IQSEC1: variants seen among roughly 807,000 people sequenced by gnomAD.
IQSEC1 encodes IQ motif and SEC7 domain-containing protein 1.
IQSEC1 carries 31 observed loss-of-function variants against 91.0 expected under a neutral mutation model. The ratio of observed to expected loss-of-function variants is 0.34; its 90% CI spans 0.26 to 0.46. The LOEUF (loss-of-function observed/expected upper bound fraction) is 0.46. Ranked by LOEUF, IQSEC1 falls within the 20% of genes least tolerant of loss-of-function variation. The probability of loss-of-function intolerance (pLI) is 1.00; values close to 1 mark genes in which losing one functional copy is unlikely to be tolerated. For missense variants in IQSEC1, 1,388 were observed against 1,575.6 expected, an observed-to-expected ratio of 0.88 and a Z score of 2.02; for synonymous variants, 699 against 662.6, an observed-to-expected ratio of 1.05 and a Z score of -0.84.
chr3:13,016,049 G>A (rs559831098), intron 1 of IQSEC1, among the ~76,000 whole-genome samples: 1 of 152,296 alleles, frequency 6.6e-6, no homozygotes, highest in Non-Finnish European at 1.5e-5. Context: ...GGTCCCTGGA[G>A]AGAGGGTGCC....
At chr3:13,010,118 T>G (rs1411136269) in intron 1 of IQSEC1, among the ~76,000 whole-genome samples, 2 of 152,214 alleles carry the variant, frequency 1.3e-5, no homozygotes, top group East Asian at 3.8e-4. Context: ...GAAGGGATGA[T>G]GCATAGCAGA....
chr3:12,904,544 G>C (rs961023680), intron 12 of IQSEC1, among the ~76,000 whole-genome samples: 1 of 152,202 alleles, frequency 6.6e-6, no homozygotes, highest in Non-Finnish European at 1.5e-5. Flanking sequence ...AGTGGTCCAG[G>C]GACATGGAGC....
intron 1 of IQSEC1, among the ~76,000 whole-genome samples, chr3:13,031,948 C>T (rs1486927343): frequency 6.6e-6 from 1 of 152,110 alleles, no homozygotes; most frequent in African/African-American, 2.4e-5. Flanking sequence ...GTTTTTAAAA[C>T]TTTAGATACT....
intron 2 of IQSEC1, among the ~76,000 whole-genome samples, chr3:13,102,470 T>C (rs1706082548): frequency 6.6e-6 from 1 of 151,850 alleles, no homozygotes; most frequent in African/African-American, 2.4e-5. Flanking sequence ...TTTGGGCCCA[T>C]GGTTTCCTTC....
intron 1 of IQSEC1, among the ~76,000 whole-genome samples, chr3:13,216,261 A>G (rs1228898927): frequency 6.6e-6 from 1 of 152,282 alleles, no homozygotes; most frequent in African/African-American, 2.4e-5. Flanking sequence ...TAGGCAGCCA[A>G]CAGCGCAGCT....
At chr3:13,113,751 C>T (rs920833274) in intron 2 of IQSEC1, among the ~76,000 whole-genome samples, 3 of 152,174 alleles carry the variant, frequency 2.0e-5, no homozygotes, top group African/African-American at 7.2e-5. Flanking sequence ...GCTACTCAAA[C>T]GACAGGAGTG....
chr3:12,934,581 T>C (rs1271074961), intron 3 of IQSEC1, among the ~76,000 whole-genome samples: 1 of 151,522 alleles, frequency 6.6e-6, no homozygotes, highest in Non-Finnish European at 1.5e-5. Flanking sequence ...CCCAGGGGAG[T>C]TGGTGCCAGG....
intron 1 of IQSEC1, among the ~76,000 whole-genome samples, chr3:13,165,261 C>T (rs959285683): frequency 6.6e-6 from 1 of 152,142 alleles, no homozygotes; most frequent in African/African-American, 2.4e-5. Context: ...ACTTGGATCA[C>T]ATGGTCCCCA....
At chr3:13,149,425 G>C (rs1706953148) in intron 2 of IQSEC1, among the ~76,000 whole-genome samples, 1 of 152,028 alleles carries the variant, frequency 6.6e-6, no homozygotes, top group African/African-American at 2.4e-5. Context: ...GTGGGGGCCG[G>C]GGTGGGGGGG....
chr3:12,904,817 G>C (rs529504874), intron 12 of IQSEC1, among the ~76,000 whole-genome samples: 351 of 152,344 alleles, frequency 2.3e-3, no homozygotes, highest in African/African-American at 8.1e-3. Flanking sequence ...TATAGCTTCT[G>C]ACAGGACCTG....
In IQSEC1 at chr3:12,940,589, G is replaced by A. The variant is rs887139522; in HGVS notation, c.318+982C>T. On this transcript the variant is annotated intron_variant, in intron 2 of 13. Coordinates refer to ENST00000613206, the MANE Select transcript of IQSEC1 (RefSeq NM_001134382.3). The surrounding 1 kb of genome is among the most constrained non-coding windows in gnomAD (Gnocchi z 4.4). Reference sequence around the variant, plus strand: ...AGCAGGGGCAGAGGCAGCTGCCTGGGCATCTGGAGGAGCTGTCTAGAGCTC... The same window carrying A: ...AGCAGGGGCAGAGGCAGCTGCCTGGACATCTGGAGGAGCTGTCTAGAGCTC... Among the ~76,000 whole-genome samples, 1 of 151,790 alleles carries A rather than the reference G, an allele frequency of 6.6e-6. No individual in the cohort carries two copies. The highest frequency in any genetic ancestry group is 6.6e-5 in the Admixed American group (1 of 15,254).
Position 12,941,455 on chromosome 3 carries a change from T to G in IQSEC1, c.318+116A>C, listed in dbSNP as rs1418357400. On this transcript the variant is annotated intron_variant, in intron 2 of 13. Transcript: ENST00000613206. ...GCAGAGCCCTCAGCCTTAGCCCACA[T>G]GCACCCCAACTCAAGTCTATGGGAG... 29 of 1,075,998 alleles carry G rather than the reference T, an allele frequency of 2.7e-5. No homozygotes were observed. In the East Asian group the frequency reaches 7.6e-4, roughly 28 times the overall value. The allele number at this position is 1,075,998 out of a possible 1,614,324, so 66.7% of individuals were successfully genotyped here.
intron 1 of IQSEC1, among the ~76,000 whole-genome samples, chr3:12,963,062 C>G (rs921098281): frequency 3.9e-5 from 6 of 152,258 alleles, no homozygotes; most frequent in African/African-American, 1.4e-4. Context: ...AGGCGGAGTT[C>G]AAACGCTAAC....
intron 1 of IQSEC1, among the ~76,000 whole-genome samples, chr3:13,044,216 C>A (rs1271932245): frequency 1.3e-5 from 2 of 152,200 alleles, no homozygotes; most frequent in Admixed American, 6.5e-5. Flanking sequence ...TCTGGGTCAT[C>A]CCCCCACCCC....
chr3:13,191,127 C>T (rs1245411038), intron 1 of IQSEC1, among the ~76,000 whole-genome samples: 3 of 152,218 alleles, frequency 2.0e-5, no homozygotes, highest in Non-Finnish European at 2.9e-5. Context: ...TACATTCAGC[C>T]GTGGATCCTC....
At position 12,908,273 on chromosome 3, in the gene IQSEC1, A is replaced by G; in HGVS notation, c.2755+76T>C. On this transcript the variant is annotated intron_variant, in intron 12 of 13. Transcript: ENST00000613206. This position sits in a 1 kb window ranked among gnomAD's most constrained non-coding sequence, Gnocchi z 4.9. ...CCGCAGGCCCTGCCCCGCGTGATGCATGCCCTGAATGCAGACGCCCTGCCT... is the reference window on the plus strand; with the variant it reads ...CCGCAGGCCCTGCCCCGCGTGATGCGTGCCCTGAATGCAGACGCCCTGCCT... 1 of 1,502,202 alleles carries G rather than the reference A, an allele frequency of 6.7e-7. No homozygotes were observed. Among genetic ancestry groups the G allele is most frequent in the Non-Finnish European group, 9.1e-7 (1 of 1,098,328 alleles). 93.1% of individuals were successfully genotyped at this position (1,502,202 alleles called of 1,614,324 possible).
intron 1 of IQSEC1, among the ~76,000 whole-genome samples, chr3:13,056,025 C>T (rs1440449563): frequency 1.3e-5 from 2 of 152,104 alleles, no homozygotes; most frequent in Non-Finnish European, 1.5e-5. Flanking sequence ...CAAGGACTCT[C>T]TTCTTAAGAC....
chr3:12,936,186 C>T lies in IQSEC1; in HGVS notation c.830G>A (p.Arg277His), dbSNP rs114114109. 590 of 1,612,914 alleles carry T rather than the reference C, an allele frequency of 3.7e-4. 4 individuals carry two copies. In the African/African-American group the frequency reaches 7.1e-3, roughly 19 times the overall value. The change falls in exon 3 of 14, where the codon CGC becomes CAC. Residue 277 changes from arginine to histidine, a missense_variant. Around this residue, in one of 2 missense-constraint regions of IQSEC1, gnomAD observed 1,059 missense variants for 1,317.8 expected, o/e 0.80. Transcript: ENST00000613206. The stretch of plus-strand genomic sequence containing the variant: ...CGAGGCCGTCATCTCGTCCAGTTTG[C>T]GGTGGTCCATGCCGTGCAGGGCTGT... ...PQTALHGMDHRKLDEMTASYS... is the reference protein window; with the variant it reads ...PQTALHGMDHHKLDEMTASYS...
chr3:12,904,239 C>T (rs1331763298), intron 12 of IQSEC1, among the ~76,000 whole-genome samples: 4 of 152,206 alleles, frequency 2.6e-5, no homozygotes, highest in Admixed American at 1.3e-4. Flanking sequence ...CAGGGGAGTC[C>T]AGTTCCTCTG....
Sources: allele counts gnomAD v4.1 joint callset (sites outside exome capture counted in the v4.1 genomes callset), GRCh38; gene constraint gnomAD v4.1.1; regional missense constraint gnomAD v4.1.1; non-coding constraint Gnocchi (gnomAD v3.1); transcripts MANE v1.5; gene names NCBI Gene and HGNC (gene_info 2026-07-23, HGNC 2026-07-21).